PHF24: variants seen among roughly 807,000 people sequenced by gnomAD.
PHF24 encodes PHD finger protein 24, also known as Galpha inhibitory interacting protein.
A neutral mutation model predicts 42.6 loss-of-function variants in PHF24; 25 were observed. The ratio of observed to expected loss-of-function variants is 0.59; its 90% CI spans 0.43 to 0.82. PHF24 has a LOEUF of 0.82. Ranked by LOEUF, PHF24 falls within the 40% of genes least tolerant of loss-of-function variation. The probability of loss-of-function intolerance (pLI) is 0.00; values close to 1 mark genes in which losing one functional copy is unlikely to be tolerated. For missense variants in PHF24, 470 were observed against 538.1 expected (o/e 0.87, Z 1.25); for synonymous variants, 185 against 204.8 (o/e 0.90, Z 0.83).
At chr9:34,818,423 T>C in the PHF24 span, among the ~76,000 whole-genome samples, 1 of 152,230 alleles carries the variant, frequency 6.6e-6, no homozygotes, top group East Asian at 1.9e-4. Context: ...TCTGCATCTA[T>C]TGAGTTGATC....
At chr9:34,681,986 T>C in the PHF24 span, among the ~76,000 whole-genome samples, 1 of 152,008 alleles carries the variant, frequency 6.6e-6, no homozygotes, top group African/African-American at 2.4e-5. Context: ...ATCTTGGCAC[T>C]TTTTTTTTGA....
the PHF24 span, among the ~76,000 whole-genome samples, chr9:34,779,175 C>G: frequency 1.3e-5 from 2 of 151,452 alleles, no homozygotes; most frequent in African/African-American, 4.9e-5. Flanking sequence ...AATTTTCCAC[C>G]CTGTGAAACT....
chr9:34,893,633 A>G, the PHF24 span, among the ~76,000 whole-genome samples: 1 of 151,790 alleles, frequency 6.6e-6, no homozygotes, highest in Non-Finnish European at 1.5e-5. Context: ...AAAGAAAAAG[A>G]AAAAGCCATT....
the PHF24 span, chr9:34,709,828 C>T: frequency 2.0e-5 from 33 of 1,614,050 alleles, no homozygotes; most frequent in East Asian, 6.7e-5. Flanking sequence ...CCGGTAGCTG[C>T]GGACAACCTT....
the PHF24 span, chr9:34,665,882 G>A: frequency 1.7e-6 from 1 of 589,298 alleles, no homozygotes; most frequent in Non-Finnish European, 3.0e-6. Flanking sequence ...CATCTCCGGG[G>A]CCTGGGGCAT....
the PHF24 span, chr9:34,892,844 C>T: frequency 8.1e-4 from 561 of 694,592 alleles, 3 homozygotes; most frequent in Admixed American, 1.8e-3. Context: ...ACCAGCTGAC[C>T]GGGCAGCTGA....
chr9:34,728,595 G>T, the PHF24 span: 1 of 1,549,946 alleles, frequency 6.5e-7, no homozygotes, highest in East Asian at 2.4e-5. Flanking sequence ...TCAGAGGAGA[G>T]ATTGGGACTT....
chr9:34,967,397 T>G lies in PHF24; in HGVS notation c.-4-3898T>G, dbSNP rs190258995. 3.5e-3 allele frequency among the ~76,000 whole-genome samples: 539 copies of G among 152,264 alleles called. 1 individual carries two copies. The highest frequency in any genetic ancestry group is 6.1e-3 in the Non-Finnish European group (417 of 68,014). ...TAAAAGTATGATTGTTCCACAAAAT[T>G]TTGACTTCAGTTGCAGATCTATAAA... On this transcript the variant is annotated intron_variant, in intron 1 of 7. Coordinates refer to ENST00000242315, the Ensembl canonical transcript of PHF24.
At chr9:34,726,596 C>T in the PHF24 span, 8 of 1,551,602 alleles carry the variant, frequency 5.2e-6, no homozygotes, top group South Asian at 4.8e-5. Context: ...GTTTGGGCCC[C>T]GGAGCACATC....
chr9:34,733,962 G>A, the PHF24 span, among the ~76,000 whole-genome samples: 2 of 152,182 alleles, frequency 1.3e-5, no homozygotes, highest in Non-Finnish European at 2.9e-5. Flanking sequence ...ACATCTAACA[G>A]AGATTCAACT....
the PHF24 span, among the ~76,000 whole-genome samples, chr9:34,803,472 A>G: frequency 6.6e-6 from 1 of 151,900 alleles, no homozygotes; most frequent in African/African-American, 2.4e-5. Flanking sequence ...GGCCAAGGTT[A>G]GGTCAGAGAA....
At chr9:34,878,299 G>A in the PHF24 span, among the ~76,000 whole-genome samples, 1 of 152,212 alleles carries the variant, frequency 6.6e-6, no homozygotes, top group Admixed American at 6.5e-5. Context: ...CTCCCAGCGT[G>A]AGTGACACAG....
the PHF24 span, among the ~76,000 whole-genome samples, chr9:34,780,290 CTTTTTTTCTTTTT>C: frequency 8.8e-6 from 1 of 113,952 alleles, no homozygotes; most frequent in African/African-American, 3.1e-5. Context: ...TCTTTTTTTT[CTTTTTTTCTTTTT>C]TTTTTTTTTT....
chr9:34,682,374 A>T, the PHF24 span, among the ~76,000 whole-genome samples: 11 of 152,204 alleles, frequency 7.2e-5, no homozygotes, highest in African/African-American at 2.7e-4. Context: ...GAATTTTGTT[A>T]TGACTACCTG....
chr9:34,665,649 A>G, the PHF24 span: 1 of 700,498 alleles, frequency 1.4e-6, no homozygotes, highest in Non-Finnish European at 2.6e-6. Flanking sequence ...GTATCTCCTC[A>G]TTCCCGACAT....
At chr9:34,919,393 G>T in the PHF24 span, among the ~76,000 whole-genome samples, 8 of 152,026 alleles carry the variant, frequency 5.3e-5, no homozygotes, top group African/African-American at 1.9e-4. Flanking sequence ...TCAAACATTA[G>T]AACTTATTTC....
At chr9:34,941,343 A>G in the PHF24 span, among the ~76,000 whole-genome samples, 1 of 152,188 alleles carries the variant, frequency 6.6e-6, no homozygotes, top group South Asian at 2.1e-4. Flanking sequence ...CAATATGATC[A>G]TAGGTCAACT....
the PHF24 span, among the ~76,000 whole-genome samples, chr9:34,721,071 A>G: frequency 6.6e-6 from 1 of 152,068 alleles, no homozygotes; most frequent in Non-Finnish European, 1.5e-5. Flanking sequence ...TAATCCATGA[A>G]GTCCTCCCTC....
the PHF24 span, among the ~76,000 whole-genome samples, chr9:34,901,470 C>CA: frequency 1.3e-5 from 2 of 151,918 alleles, no homozygotes; most frequent in Non-Finnish European, 2.9e-5. Flanking sequence ...GTTTCTTCCA[C>CA]AAAAAAATTA....
Sources: gnomAD v4.1 joint callset for allele counts (sites outside exome capture counted in the v4.1 genomes callset) on GRCh38, gnomAD v4.1.1 for gene constraint, MANE v1.5 for transcripts, NCBI Gene and HGNC (gene_info 2026-07-23, HGNC 2026-07-21) for gene names.